PLXNB3: variants seen among roughly 807,000 people sequenced by gnomAD.
PLXNB3 encodes the protein plexin-B3.
A neutral mutation model predicts 125.7 loss-of-function variants in PLXNB3; 80 were observed. The ratio of observed to expected loss-of-function variants is 0.64; its 90% confidence interval spans 0.53 to 0.77. The LOEUF is 0.77. PLXNB3 is among the 30% of genes least tolerant of loss of function. The probability of loss-of-function intolerance (pLI) is 0.00; values close to 1 mark genes in which losing one functional copy is unlikely to be tolerated. For synonymous variants in PLXNB3, 954 were observed against 783.3 expected (o/e 1.22, Z -3.64); for missense variants, 1,836 against 1,729.3 (o/e 1.06, Z -1.09).
Position 153,778,592 on chromosome X carries a change from G to GC in PLXNB3, c.5551-3dup. 8.3e-7 allele frequency: 1 copy of GC among 1,197,788 alleles called. No individual in the cohort carries two copies. Among genetic ancestry groups the GC allele is most frequent in the Non-Finnish European group, 1.1e-6 (1 of 886,778 alleles). The stretch of plus-strand genomic sequence containing the variant: ...ACCTCACTGCCCCCCTCCACGTGGT[G>GC]CCCCCAGAACTACACTTCTGCTCCC... On this transcript the variant is annotated splice_region_variant and splice_polypyrimidine_tract_variant and intron_variant, in intron 34 of 35. Coordinates refer to ENST00000361971, the MANE Select transcript of PLXNB3 (RefSeq NM_005393.3).
chrX:153,768,842 A>G, intron 4 of PLXNB3, 106 bp from the exon 5 acceptor site: 9 of 942,895 alleles, frequency 9.5e-6, no homozygotes, highest in Non-Finnish European at 1.2e-5. Flanking sequence ...CCCGGCAGGA[A>G]GGGGAACTGG....
chrX:153,773,245 T>C lies in PLXNB3; in HGVS notation c.2922T>C (p.Cys974=). ...GQPCPILEPV[C]PEAIVCRTRP... ...CATCCTGCAGCCTGGAGCCAGTGTG[T>C]CCGGAGGCCATCGTGTGCCGTACCA... Residue 974 remains cysteine (C), a synonymous_variant, in exon 18 of 36, where the codon TGT becomes TGC. Coordinates refer to ENST00000361971, the MANE Select transcript of PLXNB3 (RefSeq NM_005393.3). 8.3e-7 allele frequency: 1 copy of C among 1,208,109 alleles called. No homozygotes were observed. Among genetic ancestry groups the C allele is most frequent in the Non-Finnish European group, 1.1e-6 (1 of 893,808 alleles).
chrX:153,768,525 G>A (rs1358751967), intron 4 of PLXNB3, 97 bp downstream of exon 4: 28 of 829,938 alleles, frequency 3.4e-5, no homozygotes, highest in Non-Finnish European at 4.6e-5. Context: ...CGCATCCCAC[G>A]GTTGGGTCAG....
In PLXNB3 at chrX:153,770,002, C is replaced by T. The variant is rs782678794; in HGVS notation, c.1629+63C>T. 3.6e-5 allele frequency: 43 copies of T among 1,186,858 alleles called. No individual in the cohort carries two copies. The South Asian group carries it at 4.7e-4, about 13-fold the overall frequency. On this transcript the variant is annotated intron_variant, in intron 7 of 35. Coordinates refer to ENST00000361971, the MANE Select transcript of PLXNB3 (RefSeq NM_005393.3). ...TGACCACTGCCTGGAGCATGAACCC[C>T]GCCTGCCTCCCGTCCTCCTTCCTCT...
At chrX:153,768,488 G>A in intron 4 of PLXNB3, 60 bp downstream of exon 4, 4 of 1,052,203 alleles carry the variant, frequency 3.8e-6, no homozygotes, top group Non-Finnish European at 5.2e-6. Flanking sequence ...GCTCAGGAAA[G>A]CCCCCAGCAA....
rs1476606812 is a variant in PLXNB3 at position 153,770,613 on chromosome X, G to A, written c.1981G>A (p.Gly661Ser). ...HCVYGEHCPE[G>S]ERTIYSAQEV... ...CGTGTACGGAGAGCACTGCCCAGAGGGCGAGAGGACCATCTACAGCGCCCA... is the reference window on the plus strand; with the variant it reads ...CGTGTACGGAGAGCACTGCCCAGAGAGCGAGAGGACCATCTACAGCGCCCA... The change falls in exon 10 of 36, where the codon GGC becomes AGC. Residue 661 changes from glycine (G) to serine (S), a missense_variant. Transcript: ENST00000361971. 19 of 1,210,489 alleles carry A rather than the reference G, an allele frequency of 1.6e-5. No homozygotes were observed. The highest frequency in any genetic ancestry group is 1.5e-4 in the Admixed American group (7 of 46,060).
In PLXNB3 at chrX:153,765,474, A is replaced by G; in HGVS notation, c.-62A>G. 1 of 1,148,019 alleles carries G rather than the reference A, an allele frequency of 8.7e-7. No individual in the cohort carries two copies. The highest frequency in any genetic ancestry group is 1.2e-6 in the Non-Finnish European group (1 of 855,115). 94.6% of individuals were successfully genotyped at this position (1,148,019 alleles called of 1,213,427 possible). A position where few individuals can be genotyped will look rare whatever the true frequency, so the allele number is the denominator to read the frequency against. Reference sequence around the variant, plus strand: ...CGACTGTCTCCCTCCCACTCAGGACAATGCCCCCCCGCAGCCATCTCATGC... The same window carrying G: ...CGACTGTCTCCCTCCCACTCAGGACGATGCCCCCCCGCAGCCATCTCATGC... On this transcript the variant is annotated 5_prime_UTR_variant, in exon 2 of 36. Coordinates refer to ENST00000361971, the MANE Select transcript of PLXNB3 (RefSeq NM_005393.3).
intron 7 of PLXNB3, 43 bp from the exon 8 acceptor site, chrX:153,770,047 CCT>C (rs1569541833): frequency 5.8e-6 from 7 of 1,202,029 alleles, no homozygotes; most frequent in Middle Eastern, 2.3e-4. Context: ...TCTGCTGCCC[CCT>C]CTCTCTGGCT....
chrX:153,766,736 T>A, intron 2 of PLXNB3, 137 bp from the exon 3 acceptor site: 1 of 1,053,250 alleles, frequency 9.5e-7, no homozygotes, highest in Non-Finnish European at 1.2e-6. Flanking sequence ...CCGCTCACTC[T>A]CTCTCATTCT....
At position 153,778,413 on chromosome X, in the gene PLXNB3, G is replaced by C; in HGVS notation, c.5492G>C (p.Arg1831Pro). 2 of 1,211,419 alleles carry C rather than the reference G, an allele frequency of 1.7e-6. No homozygotes were observed. The highest frequency in any genetic ancestry group is 2.2e-6 in the Non-Finnish European group (2 of 895,449). The change falls in exon 34 of 36, where the codon CGC becomes CCC. Residue 1831 changes from arginine to proline, a missense_variant. By Grantham distance (103) the Arg-to-Pro change is moderately radical. Transcript: ENST00000361971. Reference sequence around the variant, plus strand: ...TCCTCCAGGTACTATGCGGACATTCGCCAGAGCTCTCCGGCGAGCTACCAG... The same window carrying C: ...TCCTCCAGGTACTATGCGGACATTCCCCAGAGCTCTCCGGCGAGCTACCAG... ...QMVERYYADI[R>P]QSSPASYQEM...
intron 2 of PLXNB3, 45 bp downstream of exon 2, chrX:153,765,625 G>A: frequency 8.5e-7 from 1 of 1,170,452 alleles, no homozygotes; most frequent in Non-Finnish European, 1.1e-6. Flanking sequence ...CCTGGGAGGG[G>A]CAGGGTAGGG....
In PLXNB3 at chrX:153,774,882, C is replaced by T. The variant is rs1557063454; in HGVS notation, c.3934C>T (p.Leu1312Phe). 1.7e-6 allele frequency: 2 copies of T among 1,199,481 alleles called. No homozygotes were observed. Among genetic ancestry groups the T allele is most frequent in the East Asian group, 5.9e-5 (2 of 33,708 alleles). ...CTCGGCGCCTCCTGGCCCCGCAGAC[C>T]TCATGACGGAGATGACCGACCTCAG... ...GDQCRKEFTD[L>F]MTEMTDLSSD... Residue 1312 changes from leucine to phenylalanine, a missense_variant and splice_region_variant, in exon 24 of 36, where the codon CTC becomes TTC. Transcript: ENST00000361971.
At chrX:153,778,541 A>G (rs782280239) in intron 34 of PLXNB3, 59 bp from the exon 35 acceptor site, 501 of 1,175,966 alleles carry the variant, frequency 4.3e-4, no homozygotes, top group Admixed American at 7.7e-4. Flanking sequence ...GAGGGGGGAG[A>G]CTTGGGGCTT....
chrX:153,766,733 C>G, intron 2 of PLXNB3, 140 bp from the exon 3 acceptor site: 1 of 1,053,881 alleles, frequency 9.5e-7, no homozygotes, highest in Non-Finnish European at 1.2e-6. Flanking sequence ...TCTCCGCTCA[C>G]TCTCTCTCAT....
In PLXNB3 at chrX:153,778,090, G is replaced by A; in HGVS notation, c.5404G>A (p.Gly1802Ser). ...DSCTTSEHKV[G>S]RDSPVNKLLY... ...CTGTACCACCTCGGAGCATAAAGTG[G>A]GCCGGGTGAGAGCAGTGCCAGCAGC... is the stretch of plus-strand genomic sequence containing the variant. Residue 1802 changes from glycine to serine, a missense_variant, in exon 32 of 36, where the codon GGC (glycine) becomes AGC (serine). Gly to Ser is a moderately conservative substitution (Grantham distance 56). Coordinates refer to ENST00000361971, the MANE Select transcript of PLXNB3 (RefSeq NM_005393.3). 2 of 1,211,633 alleles carry A rather than the reference G, an allele frequency of 1.7e-6. No individual in the cohort carries two copies. Among genetic ancestry groups the A allele is most frequent in the Non-Finnish European group, 2.2e-6 (2 of 895,531 alleles).
rs202042350 is a variant in PLXNB3 at position 153,767,475 on chromosome X, C to T, written c.648C>T (p.Ser216=). 675 of 1,193,372 alleles carry T rather than the reference C, an allele frequency of 5.7e-4. 3 individuals are homozygous for T. Among genetic ancestry groups the T allele is most frequent in the Non-Finnish European group, 4.6e-4 (405 of 885,989 alleles). The stretch of plus-strand genomic sequence containing the variant: ...TGGCCGGGTCTCAGCCCTTCTCCAG[C>T]GAGGGCCTGGGCCGCCTGGTGGTGG... ...RQLAGSQPFS[S]EGLGRLVVGD... is the part of the protein sequence containing the mutation. Residue 216 remains serine (S), a synonymous_variant, in exon 3 of 36, where the codon AGC becomes AGT. Coordinates refer to ENST00000361971, the MANE Select transcript of PLXNB3 (RefSeq NM_005393.3).
Position 153,777,984 on chromosome X carries a change from C to T in PLXNB3, c.5298C>T (p.Asn1766=), listed in dbSNP as rs781896278. The T allele has an allele frequency of 1.2e-5, 15 of 1,210,411 alleles. No homozygotes were observed. The African/African-American group carries it at 1.9e-4, about 15-fold the overall frequency. The change falls in exon 32 of 36, where the codon AAC becomes AAT. Residue 1766 remains asparagine, a synonymous_variant. Transcript: ENST00000361971. ...LLRFWVNALK[N]PQLIFDVRVS... ...GGTTCTGGGTGAATGCCTTGAAGAA[C>T]CCACAGCTCATCTTTGATGTACGGG...
In PLXNB3 at chrX:153,773,022, T is replaced by C. The variant is rs1268448461; in HGVS notation, c.2906+6T>C. The stretch of plus-strand genomic sequence containing the variant: ...GGTGGCCAACCCTGTCCCATGTGAG[T>C]CCCGGCCTGGCTGCCGTCGGGTGGT... On this transcript the variant is annotated splice_donor_region_variant and intron_variant, in intron 17 of 35. Transcript: ENST00000361971. 4.3e-6 allele frequency: 5 copies of C among 1,162,660 alleles called. No individual in the cohort carries two copies. The highest frequency in any genetic ancestry group is 5.7e-6 in the Non-Finnish European group (5 of 874,879).
intron 6 of PLXNB3, 59 bp downstream of exon 6, chrX:153,769,321 C>T (rs1237134342): frequency 8.2e-6 from 8 of 975,142 alleles, no homozygotes; most frequent in East Asian, 3.4e-5. Context: ...CACGAGGCTG[C>T]CCCTGGAAGT....
Sources: gnomAD v4.1 joint callset for allele counts on GRCh38, gnomAD v4.1.1 for gene constraint, MANE v1.5 for transcripts, NCBI Gene and HGNC (gene_info 2026-07-23, HGNC 2026-07-21) for gene names.